The following CNOT4 variants were observed in gnomAD, a reference collection of about 807,000 sequenced individuals.
CNOT4 encodes CCR4-associated factor 4.
CNOT4 carries 8 observed loss-of-function variants against 73.8 expected under a neutral mutation model. The ratio of observed to expected loss-of-function variants is 0.11; its 90% CI spans 0.06 to 0.20. The LOEUF (loss-of-function observed/expected upper bound fraction) is 0.20. CNOT4 is among the 10% of genes least tolerant of loss of function. CNOT4 has a pLI of 1.00. For missense variants in CNOT4, 564 were observed against 883.4 expected (o/e 0.64, Z 4.58); for synonymous variants, 293 against 321.1 (o/e 0.91, Z 0.94).
At chr7:135,500,278 GATA>G (rs1218401166) in intron 1 of CNOT4, among the ~76,000 whole-genome samples, 3 of 152,162 alleles carry the variant, frequency 2.0e-5, no homozygotes, top group East Asian at 3.8e-4. Context: ...GAAGCATGAA[GATA>G]ATAAGTGGCA....
chr7:135,404,520 T>C (rs564659131), intron 7 of CNOT4, among the ~76,000 whole-genome samples: 1 of 152,200 alleles, frequency 6.6e-6, no homozygotes, highest in African/African-American at 2.4e-5. Flanking sequence ...GGCCTATTCA[T>C]AATCTAACAA....
intron 2 of CNOT4, among the ~76,000 whole-genome samples, chr7:135,428,777 T>G (rs1468620121): frequency 6.6e-6 from 1 of 152,148 alleles, no homozygotes; most frequent in Non-Finnish European, 1.5e-5. Flanking sequence ...AAAGGTTGTA[T>G]CTGAAGAGAT....
chr7:135,502,437 G>T (rs756962462), intron 1 of CNOT4, among the ~76,000 whole-genome samples: 6 of 152,230 alleles, frequency 3.9e-5, no homozygotes, highest in Non-Finnish European at 5.9e-5. Flanking sequence ...ATATCATTAT[G>T]AAAGTATTCT....
At chr7:135,378,053 C>G (rs563224870) in intron 10 of CNOT4, among the ~76,000 whole-genome samples, 14 of 152,246 alleles carry the variant, frequency 9.2e-5, no homozygotes, top group African/African-American at 3.4e-4. Context: ...TTTATAGGAG[C>G]TAGAATTGCC....
At chr7:135,444,499 G>A (rs577953823) in intron 1 of CNOT4, 2 of 881,024 alleles carry the variant, frequency 2.3e-6, no homozygotes, top group East Asian at 4.8e-5. Context: ...GCCCAAGGAG[G>A]TCGAGCTCTG....
intron 1 of CNOT4, among the ~76,000 whole-genome samples, chr7:135,445,842 T>G (rs1799791610): frequency 6.6e-6 from 1 of 152,182 alleles, no homozygotes; most frequent in South Asian, 2.1e-4. Context: ...AATAAGCCAG[T>G]AACAAGAGGA....
intron 2 of CNOT4, among the ~76,000 whole-genome samples, chr7:135,424,038 AAAACACACACAC>A (rs1279830897): frequency 4.6e-4 from 57 of 125,022 alleles, no homozygotes; most frequent in African/African-American, 1.8e-3. Context: ...ACAAACAAAC[AAAACACACACAC>A]ACACACACAC....
Position 135,364,091 on chromosome 7 carries a change from T to A in CNOT4, c.1628-25A>T, listed in dbSNP as rs1194830436. On this transcript the variant is annotated intron_variant, in intron 10 of 11. Transcript: ENST00000541284. This position sits in a 1 kb window ranked among gnomAD's most constrained non-coding sequence, Gnocchi z 4.3. ...TCTGGGAGATTTACCAACAAAAAAA[T>A]GAAAGATAAAAAAAAATAAAAAGCT... is the stretch of plus-strand genomic sequence containing the variant. 2.7e-6 allele frequency: 4 copies of A among 1,496,260 alleles called. No homozygotes were observed. Among genetic ancestry groups the A allele is most frequent in the Admixed American group, 3.9e-5 (2 of 51,360 alleles). 92.7% of individuals were successfully genotyped at this position (1,496,260 alleles called of 1,614,324 possible).
chr7:135,495,803 A>G (rs190629158), intron 1 of CNOT4, among the ~76,000 whole-genome samples: 315 of 151,478 alleles, frequency 2.1e-3, no homozygotes, highest in Middle Eastern at 0.01. Flanking sequence ...GCAATAGCTC[A>G]TATCTGTAAA....
chr7:135,481,179 C>T (rs994081891), intron 1 of CNOT4, among the ~76,000 whole-genome samples: 2 of 151,808 alleles, frequency 1.3e-5, no homozygotes, highest in Non-Finnish European at 2.9e-5. Flanking sequence ...AAAATATTTG[C>T]AAACTATTAA....
chr7:135,475,578 T>C (rs945833256), intron 1 of CNOT4, among the ~76,000 whole-genome samples: 10 of 152,074 alleles, frequency 6.6e-5, no homozygotes, highest in Admixed American at 6.6e-4. Flanking sequence ...CATTCTAAAA[T>C]GTAAAAGGAA....
In CNOT4 at chr7:135,363,051, G is replaced by T. The variant is rs755669369; in HGVS notation, c.1976C>A (p.Pro659His). The change falls in exon 12 of 12, where the codon CCC becomes CAC. Residue 659 changes from proline (P) to histidine (H), a missense_variant. Physicochemically the swap from Pro to His is moderately conservative, Grantham distance 77. This residue lies in a region of CNOT4 where 88 missense variants were observed against 94.7 expected (regional missense o/e 0.93). Transcript: ENST00000541284. This position sits in a 1 kb window ranked among gnomAD's most constrained non-coding sequence, Gnocchi z 4.3. ...GTGCAGCGGGATCTGTGTGCTGAAG[G>T]GGGCGCTGTGGTGGGTCTGTGATGG... The part of the protein sequence containing the change: ...AAPSQTHHSA[P>H]FSTQIPLHRA... 1 of 1,613,958 alleles carries T rather than the reference G, an allele frequency of 6.2e-7. No individual in the cohort carries two copies. Among genetic ancestry groups the T allele is most frequent in the Non-Finnish European group, 8.5e-7 (1 of 1,179,980 alleles).
intron 10 of CNOT4, among the ~76,000 whole-genome samples, chr7:135,369,683 A>C (rs1795094026): frequency 6.6e-6 from 1 of 152,182 alleles, no homozygotes. Context: ...TTAGACTTTC[A>C]AACCTTTGTG....
chr7:135,398,557 C>A (rs1279130304), intron 7 of CNOT4, among the ~76,000 whole-genome samples: 1 of 151,926 alleles, frequency 6.6e-6, no homozygotes, highest in Admixed American at 6.6e-5. Flanking sequence ...ATGCAAGTAT[C>A]CCAAAATCCA....
chr7:135,456,234 C>A (rs1800520779), intron 1 of CNOT4, among the ~76,000 whole-genome samples: 1 of 152,160 alleles, frequency 6.6e-6, no homozygotes, highest in African/African-American at 2.4e-5. Context: ...TCTCATATTA[C>A]AACAAACTGA....
intron 1 of CNOT4, among the ~76,000 whole-genome samples, chr7:135,441,661 G>A (rs999372125): frequency 6.6e-6 from 1 of 152,144 alleles, no homozygotes; most frequent in Non-Finnish European, 1.5e-5. Context: ...TAGAGTTTTA[G>A]TGAAATAATT....
At chr7:135,461,808 G>A (rs1800894114) in intron 1 of CNOT4, among the ~76,000 whole-genome samples, 1 of 151,918 alleles carries the variant, frequency 6.6e-6, no homozygotes, top group African/African-American at 2.4e-5. Context: ...CCCCAGCCTG[G>A]GCGACAGAGC....
At position 135,364,651 on chromosome 7, in the gene CNOT4, A is replaced by G. The variant is rs1451047258; in HGVS notation, c.1628-585T>C. On this transcript the variant is annotated intron_variant, in intron 10 of 11. Coordinates refer to ENST00000541284, the MANE Select transcript of CNOT4 (RefSeq NM_001190850.2). The surrounding 1 kb of genome is among the most constrained non-coding windows in gnomAD (Gnocchi z 4.3). ...GAAAAGAATGTATTTCCATTTAGTC[A>G]CTAAGGCCGAGGAGGCAGGAGCTGA... 6.6e-6 allele frequency among the ~76,000 whole-genome samples: 1 copy of G among 152,262 alleles called. No homozygotes were observed. Among genetic ancestry groups the G allele is most frequent in the Non-Finnish European group, 1.5e-5 (1 of 68,034 alleles).
At chr7:135,465,865 C>T (rs1371253080) in intron 1 of CNOT4, among the ~76,000 whole-genome samples, 4 of 151,254 alleles carry the variant, frequency 2.6e-5, no homozygotes, top group South Asian at 2.1e-4. Flanking sequence ...CTGACCAACA[C>T]GGTGAAACCC....
Sources: allele counts gnomAD v4.1 joint callset (sites outside exome capture counted in the v4.1 genomes callset), GRCh38; gene constraint gnomAD v4.1.1; regional missense constraint gnomAD v4.1.1; non-coding constraint Gnocchi (gnomAD v3.1); transcripts MANE v1.5; gene names NCBI Gene and HGNC (gene_info 2026-07-23, HGNC 2026-07-21).